The following ERAP2 variants were observed in gnomAD, a reference collection of about 807,000 sequenced individuals.
ERAP2 encodes the protein endoplasmic reticulum aminopeptidase 2.
Under a neutral mutation model 111.1 loss-of-function variants are expected in ERAP2, and 118 were observed. The observed-to-expected ratio is 1.06, with a 90% CI of 0.92 to 1.24. The LOEUF is 1.24. Ranked by LOEUF, ERAP2 falls within the 50% of genes most tolerant of loss-of-function variation. ERAP2 has a pLI of 0.00. For synonymous variants in ERAP2, 410 were observed against 401.2 expected, an observed-to-expected ratio of 1.02 and a Z score of -0.26; for missense variants, 1,131 against 1,125.8, an observed-to-expected ratio of 1.00 and a Z score of -0.07.
At chr5:96,889,565 G>T in intron 5 of ERAP2, 1 of 680,182 alleles carries the variant, frequency 1.5e-6, no homozygotes, top group South Asian at 1.7e-5. Context: ...TTCCCAGGCT[G>T]ATCAGAAAGG....
chr5:96,879,941 C>G lies in ERAP2; in HGVS notation c.256C>G (p.Leu86Val). 1.2e-6 allele frequency: 2 copies of G among 1,614,180 alleles called. No homozygotes were observed. Among genetic ancestry groups the G allele is most frequent in the Non-Finnish European group, 1.7e-6 (2 of 1,180,020 alleles). The part of the protein sequence containing the change: ...LHYDLFVHPN[L>V]TSLDFVASEK... ...TTATGACCTCTTTGTCCACCCCAATCTCACCTCTCTGGACTTTGTTGCATC... is the reference window on the plus strand; with the variant it reads ...TTATGACCTCTTTGTCCACCCCAATGTCACCTCTCTGGACTTTGTTGCATC... The change falls in exon 2 of 19, where the codon CTC becomes GTC. Residue 86 changes from leucine to valine, a missense_variant. Leu to Val is a conservative substitution (Grantham distance 32). Around this residue, in one of 3 missense-constraint regions of ERAP2, gnomAD observed 847 missense variants for 856.5 expected, o/e 0.99. Coordinates refer to ENST00000437043, the MANE Select transcript of ERAP2 (RefSeq NM_022350.5).
intron 7 of ERAP2, 71 bp downstream of exon 7, chr5:96,895,430 T>G (rs1784783426): frequency 9.0e-7 from 1 of 1,115,426 alleles, no homozygotes; most frequent in Non-Finnish European, 1.3e-6. Flanking sequence ...AAATTTCAAG[T>G]GAATGTTAAA....
intron 2 of ERAP2, among the ~76,000 whole-genome samples, chr5:96,880,685 C>T (rs1561356950): frequency 2.8e-5 from 4 of 143,698 alleles, no homozygotes; most frequent in African/African-American, 8.0e-5. Flanking sequence ...TGACTCATAT[C>T]GAATAGTCAG....
Position 96,884,369 on chromosome 5 carries a change from C to T in ERAP2, c.714+439C>T, listed in dbSNP as rs1376885580. On this transcript the variant is annotated intron_variant, in intron 3 of 18. Transcript: ENST00000437043. ...GAAGTTCTACCTTTCCAACAAGCCT[C>T]CAGCCACTGCTGACGGTCCAGAGAC... Among the ~76,000 whole-genome samples, 5 of 152,180 alleles carry T rather than the reference C, an allele frequency of 3.3e-5. No individual in the cohort carries two copies. In the East Asian group the frequency reaches 5.8e-4, roughly 18 times the overall value.
chr5:96,900,306 C>T (rs1561383979), intron 10 of ERAP2, 117 bp downstream of exon 10: 1 of 1,419,620 alleles, frequency 7.0e-7, no homozygotes, highest in Non-Finnish European at 9.3e-7. Flanking sequence ...GAAAGAGAGC[C>T]CCCACGATTT....
intron 7 of ERAP2, among the ~76,000 whole-genome samples, chr5:96,895,642 G>C (rs1316763121): frequency 4.6e-5 from 7 of 152,170 alleles, no homozygotes; most frequent in Admixed American, 3.3e-4. Context: ...GAACATCACT[G>C]TTTGTATACA....
chr5:96,912,798 A>G lies in ERAP2; in HGVS notation c.2516A>G (p.Lys839Arg). 6.3e-7 allele frequency: 1 copy of G among 1,591,474 alleles called. No homozygotes were observed. The highest frequency in any genetic ancestry group is 8.5e-7 in the Non-Finnish European group (1 of 1,173,668). Residue 839 changes from lysine to arginine, a missense_variant and splice_region_variant, in exon 16 of 19, where the codon AAG (lysine) becomes AGG (arginine). By Grantham distance (26) the Lys-to-Arg change is conservative (BLOSUM62 2). Around this residue, in one of 3 missense-constraint regions of ERAP2, gnomAD observed 279 missense variants for 250.9 expected, o/e 1.11. Transcript: ENST00000437043. ...STSKHQEKLL[K>R]LIELGMEGKV... ...AGCAAGCATCAGGAAAAGTTACTGA[A>G]GTAAGTTCAATAATTTAACTAAATT...
rs530785619 is a variant in ERAP2, at chr5:96,917,495, G to T, written c.2773G>T (p.Gly925Ter). ...ATTTTTTGAATCTCTTGAGGCTCAAGGATCACATCTGGATATTTTTCAAAC... is the reference window on the plus strand; with the variant it reads ...ATTTTTTGAATCTCTTGAGGCTCAATGATCACATCTGGATATTTTTCAAAC... ...KLFFESLEAQ[G>*]SHLDIFQTVL... is the part of the protein sequence containing the mutation. The change falls in exon 19 of 19, where the codon GGA (glycine) becomes TGA (stop). Residue 925 changes from glycine (G) to a stop codon, truncating the protein, a stop_gained. Transcript: ENST00000437043. LOFTEE classifies it high-confidence loss of function. The T allele has an allele frequency of 2.7e-5, 43 of 1,613,020 alleles. No individual in the cohort carries two copies. In the Admixed American group the frequency reaches 2.8e-4, roughly 11 times the overall value.
At chr5:96,916,251 A>C (rs866635179) in intron 18 of ERAP2, among the ~76,000 whole-genome samples, 13 of 151,750 alleles carry the variant, frequency 8.6e-5, no homozygotes, top group South Asian at 6.3e-4. Context: ...CAAAAACAAA[A>C]AACAACAGCA....
intron 5 of ERAP2, among the ~76,000 whole-genome samples, chr5:96,891,993 T>C (rs1445545628): frequency 1.3e-5 from 2 of 152,208 alleles, no homozygotes. Flanking sequence ...TTTAAATAAA[T>C]TATTTTCTTG....
intron 13 of ERAP2, 49 bp downstream of exon 13, chr5:96,903,609 C>G: frequency 6.7e-7 from 1 of 1,492,844 alleles, no homozygotes; most frequent in Non-Finnish European, 9.1e-7. Context: ...GATTCGTAAC[C>G]AGATATGCTA....
At chr5:96,892,516 C>T in intron 6 of ERAP2, 63 bp downstream of exon 6, 1 of 1,573,208 alleles carries the variant, frequency 6.4e-7, no homozygotes. Flanking sequence ...AGAACACGAC[C>T]AATCTTCCTG....
intron 8 of ERAP2, 64 bp from the exon 9 acceptor site, chr5:96,896,668 T>TA (rs1286451161): frequency 6.7e-7 from 1 of 1,501,078 alleles, no homozygotes; most frequent in African/African-American, 1.4e-5. Context: ...AAGCTTCCTT[T>TA]AAAAACATAC....
rs747014990 is a variant in ERAP2, at chr5:96,892,413, T to C, written c.1085T>C (p.Leu362Pro). The C allele has an allele frequency of 3.1e-6, 5 of 1,614,068 alleles. No individual in the cohort carries two copies. The highest frequency in any genetic ancestry group is 4.2e-6 in the Non-Finnish European group (5 of 1,179,934). The change falls in exon 6 of 19, where the codon CTG becomes CCG. Residue 362 changes from leucine (L) to proline (P), a missense_variant. By Grantham distance (98) the Leu-to-Pro change is moderately conservative. Transcript: ENST00000437043. Reference protein sequence around the residue: ...DPKTSSASDKLWVTRVIAHEL... With the variant: ...DPKTSSASDKPWVTRVIAHEL... ...AAGACCTCTTCTGCTTCCGATAAAC[T>C]GTGGGTCACCAGAGTCATAGCCCAT...
intron 17 of ERAP2, among the ~76,000 whole-genome samples, chr5:96,914,274 T>C (rs1787138169): frequency 6.6e-6 from 1 of 152,180 alleles, no homozygotes; most frequent in Non-Finnish European, 1.5e-5. Context: ...ATTTGCTTTG[T>C]TTATGTCAGG....
In ERAP2 at chr5:96,903,546, G is replaced by A. The variant is rs757793772; in HGVS notation, c.1998G>A (p.Val666=). Residue 666 remains valine (V), a synonymous_variant, in exon 13 of 19, where the codon GTG becomes GTA. Transcript: ENST00000437043. ...PKDRVGLIHD[V]FQLVGAGRLT... ...ACAGAGTAGGTCTGATTCATGATGTGTTTCAGCTAGTTGGGTAAGGCAACA... is the reference window on the plus strand; with the variant it reads ...ACAGAGTAGGTCTGATTCATGATGTATTTCAGCTAGTTGGGTAAGGCAACA... 5 of 1,596,576 alleles carry A rather than the reference G, an allele frequency of 3.1e-6. No individual in the cohort carries two copies. The highest frequency in any genetic ancestry group is 1.8e-5 in the Admixed American group (1 of 55,098).
chr5:96,882,321 G>T (rs2151119478), intron 2 of ERAP2, among the ~76,000 whole-genome samples: 1 of 152,296 alleles, frequency 6.6e-6, no homozygotes, highest in Non-Finnish European at 1.5e-5. Context: ...GATGAGAGGG[G>T]GAGATATTTG....
chr5:96,904,409 G>A (rs2112279173), intron 13 of ERAP2, among the ~76,000 whole-genome samples: 1 of 152,204 alleles, frequency 6.6e-6, no homozygotes, highest in Admixed American at 6.5e-5. Context: ...GCTTATTTAG[G>A]TCAAATTGAG....
intron 6 of ERAP2, among the ~76,000 whole-genome samples, chr5:96,893,162 T>C (rs1379165243): frequency 6.6e-6 from 1 of 152,196 alleles, no homozygotes; most frequent in African/African-American, 2.4e-5. Flanking sequence ...CTGTATTACA[T>C]ACAAATGTGG....
Sources: gnomAD v4.1 joint callset for allele counts (sites outside exome capture counted in the v4.1 genomes callset) on GRCh38, gnomAD v4.1.1 for gene constraint, gnomAD v4.1.1 regional missense constraint, MANE v1.5 for transcripts, NCBI Gene and HGNC (gene_info 2026-07-23, HGNC 2026-07-21) for gene names.